The following CHCHD6 variants were observed in gnomAD, a reference collection of about 807,000 sequenced individuals.
CHCHD6 encodes MICOS complex subunit MIC25.
A neutral mutation model predicts 32.3 loss-of-function variants in CHCHD6; 28 were observed. That is an observed-to-expected ratio of 0.87 (90% CI 0.64 to 1.19). The LOEUF is 1.19. CHCHD6 is among the 50% of genes most tolerant of loss of function. CHCHD6 has a pLI of 0.00. For synonymous variants in CHCHD6, 122 were observed against 117.5 expected, an observed-to-expected ratio of 1.04 and a Z score of -0.25; for missense variants, 333 against 307.0, an observed-to-expected ratio of 1.08 and a Z score of -0.63.
At chr3:126,740,837 A>G (rs538807796) in intron 4 of CHCHD6, among the ~76,000 whole-genome samples, 8 of 152,376 alleles carry the variant, frequency 5.3e-5, no homozygotes, top group Non-Finnish European at 1.0e-4. Flanking sequence ...ATAAGCTTAC[A>G]TGAAAACTGG....
At chr3:126,897,675 C>T (rs2077860601) in intron 5 of CHCHD6, among the ~76,000 whole-genome samples, 1 of 152,204 alleles carries the variant, frequency 6.6e-6, no homozygotes, top group Admixed American at 6.5e-5. Flanking sequence ...ATGTTCCCAG[C>T]CTTCTCTGGC....
intron 5 of CHCHD6, among the ~76,000 whole-genome samples, chr3:126,908,799 A>G (rs917164291): frequency 6.6e-6 from 1 of 152,236 alleles, no homozygotes; most frequent in Non-Finnish European, 1.5e-5. Context: ...TAAGAATTTT[A>G]TATGCATTGT....
intron 4 of CHCHD6, among the ~76,000 whole-genome samples, chr3:126,756,757 T>C (rs1276038633): frequency 1.3e-5 from 2 of 152,196 alleles, no homozygotes; most frequent in African/African-American, 4.8e-5. Context: ...GTTCCAGGCA[T>C]TGGGGATACA....
chr3:126,725,325 G>C (rs148246225), intron 1 of CHCHD6, among the ~76,000 whole-genome samples: 47 of 152,338 alleles, frequency 3.1e-4, no homozygotes, highest in African/African-American at 1.0e-3. Flanking sequence ...CAGGTGCATT[G>C]TCAAGGAGCA....
chr3:126,851,408 A>G (rs1941470270), intron 4 of CHCHD6, among the ~76,000 whole-genome samples: 2 of 152,240 alleles, frequency 1.3e-5, no homozygotes, highest in South Asian at 2.1e-4. Context: ...TGGAAGTCAT[A>G]TGAACTTAGG....
chr3:126,960,139 G>A, intron 7 of CHCHD6, 57 bp from the exon 8 acceptor site: 22 of 1,550,698 alleles, frequency 1.4e-5, no homozygotes, highest in Non-Finnish European at 1.8e-5. Context: ...TCTGCACGGA[G>A]CTGGAGGGCA....
chr3:126,950,541 C>G (rs921027441), intron 6 of CHCHD6, among the ~76,000 whole-genome samples: 2 of 152,200 alleles, frequency 1.3e-5, no homozygotes, highest in Non-Finnish European at 2.9e-5. Context: ...ACACCTGCCT[C>G]CTGGGTGCAA....
chr3:126,720,907 G>C (rs940459400), intron 1 of CHCHD6, among the ~76,000 whole-genome samples: 4 of 152,084 alleles, frequency 2.6e-5, no homozygotes, highest in Non-Finnish European at 5.9e-5. Flanking sequence ...TGCTACAGCC[G>C]CAAAAAAGGA....
At chr3:126,900,602 CTT>C (rs35627042) in intron 5 of CHCHD6, among the ~76,000 whole-genome samples, 85 of 116,792 alleles carry the variant, frequency 7.3e-4, no homozygotes, top group African/African-American at 2.5e-3. Context: ...GTGTGACACA[CTT>C]TTTTTTTTTT....
intron 4 of CHCHD6, among the ~76,000 whole-genome samples, chr3:126,831,017 C>T (rs1199387783): frequency 6.6e-6 from 1 of 151,184 alleles, no homozygotes; most frequent in African/African-American, 2.4e-5. Context: ...CTGGGCGGCC[C>T]TGCCAGTCTT....
intron 4 of CHCHD6, among the ~76,000 whole-genome samples, chr3:126,844,803 G>T (rs539412305): frequency 6.6e-6 from 1 of 152,118 alleles, no homozygotes; most frequent in African/African-American, 2.4e-5. Context: ...TTGTTATCCA[G>T]GTGGGTTCAG....
chr3:126,798,683 T>C (rs1938918800), intron 4 of CHCHD6, among the ~76,000 whole-genome samples: 1 of 152,178 alleles, frequency 6.6e-6, no homozygotes, highest in Non-Finnish European at 1.5e-5. Flanking sequence ...TGAGTCACCT[T>C]CTTGCCCTCC....
rs74478748 is a variant in CHCHD6 at position 126,835,367 on chromosome 3, C to T, written c.412-17280C>T. 8.8e-3 allele frequency among the ~76,000 whole-genome samples: 1,341 copies of T among 152,314 alleles called. 16 individuals are homozygous for T. Among genetic ancestry groups the T allele is most frequent in the Non-Finnish European group, 0.014 (952 of 68,026 alleles). On this transcript the variant is annotated intron_variant, in intron 4 of 7. Transcript: ENST00000290913. ...TGTGACAGTGGCCAGGCAGCTTGTT[C>T]TCTGGTCAGGTAGGGGCCACTTCTC...
At chr3:126,831,846 C>T (rs1447423650) in intron 4 of CHCHD6, among the ~76,000 whole-genome samples, 3 of 152,144 alleles carry the variant, frequency 2.0e-5, no homozygotes, top group African/African-American at 4.8e-5. Flanking sequence ...ATGAGAAGAT[C>T]GTTGGTCTCA....
intron 7 of CHCHD6, 178 bp downstream of exon 7, chr3:126,957,729 C>A: frequency 2.6e-6 from 2 of 758,240 alleles, no homozygotes; most frequent in South Asian, 1.6e-5. Flanking sequence ...TGCACACTCT[C>A]CTGGCTGCTT....
intron 5 of CHCHD6, among the ~76,000 whole-genome samples, chr3:126,897,790 G>A (rs909987488): frequency 2.0e-5 from 3 of 152,112 alleles, no homozygotes; most frequent in Admixed American, 2.0e-4. Flanking sequence ...CATTTGCTCT[G>A]CCTGGAATGC....
intron 5 of CHCHD6, among the ~76,000 whole-genome samples, chr3:126,872,021 A>C (rs1387763474): frequency 1.3e-5 from 2 of 152,136 alleles, no homozygotes; most frequent in Non-Finnish European, 2.9e-5. Context: ...TTTGTTTCTA[A>C]AGACTCTTAT....
intron 5 of CHCHD6, among the ~76,000 whole-genome samples, chr3:126,906,577 C>T (rs1035967211): frequency 1.3e-5 from 2 of 152,198 alleles, no homozygotes; most frequent in Non-Finnish European, 2.9e-5. Flanking sequence ...TTACTTTTCT[C>T]GTTCACATGA....
chr3:126,724,572 G>A (rs1217948489), intron 1 of CHCHD6, among the ~76,000 whole-genome samples: 2 of 152,108 alleles, frequency 1.3e-5, no homozygotes, highest in African/African-American at 4.8e-5. Context: ...GGTTGGCTGT[G>A]GCAGTTTTGT....
Sources: allele counts gnomAD v4.1 joint callset (sites outside exome capture counted in the v4.1 genomes callset), GRCh38; gene constraint gnomAD v4.1.1; transcripts MANE v1.5; gene names NCBI Gene and HGNC (gene_info 2026-07-23, HGNC 2026-07-21).